The following FTO variants were observed in gnomAD, a reference collection of about 807,000 sequenced individuals.
FTO encodes FTO alpha-ketoglutarate dependent dioxygenase.
Under a neutral mutation model 63.9 loss-of-function variants are expected in FTO, and 47 were observed. The ratio of observed to expected loss-of-function variants is 0.74; its 90% CI spans 0.58 to 0.94. The LOEUF (loss-of-function observed/expected upper bound fraction) is 0.94. FTO is among the 40% of genes least tolerant of loss of function. FTO has a pLI of 0.00. For synonymous variants in FTO, 207 were observed against 224.4 expected, an observed-to-expected ratio of 0.92 and a Z score of 0.69; for missense variants, 562 against 618.1, an observed-to-expected ratio of 0.91 and a Z score of 0.96.
At chr16:53,875,249 T>C (rs1256971490) in intron 5 of FTO, among the ~76,000 whole-genome samples, 1 of 152,198 alleles carries the variant, frequency 6.6e-6, no homozygotes, top group African/African-American at 2.4e-5. Flanking sequence ...TGTGGATCAC[T>C]TGAGTATATG....
chr16:53,752,781 A>G (rs930565400), intron 1 of FTO, among the ~76,000 whole-genome samples: 3 of 152,194 alleles, frequency 2.0e-5, no homozygotes, highest in African/African-American at 7.2e-5. Flanking sequence ...GTGGCTTGCA[A>G]GGGTCAATAT....
intron 8 of FTO, among the ~76,000 whole-genome samples, chr16:54,104,168 A>C (rs1387302293): frequency 6.6e-6 from 1 of 152,204 alleles, no homozygotes; most frequent in African/African-American, 2.4e-5. Context: ...TTAGGGTCCC[A>C]TATTGGTCTC....
At chr16:53,957,701 T>C (rs564198305) in intron 8 of FTO, among the ~76,000 whole-genome samples, 1 of 152,388 alleles carries the variant, frequency 6.6e-6, no homozygotes, top group East Asian at 1.9e-4. Flanking sequence ...TCCCTAAATT[T>C]CCACTACTGG....
chr16:54,016,966 T>G (rs751220381), intron 8 of FTO, among the ~76,000 whole-genome samples: 16 of 152,184 alleles, frequency 1.1e-4, no homozygotes, highest in Non-Finnish European at 1.9e-4. Flanking sequence ...CAATCTTGAT[T>G]ATTTGTTCCA....
At chr16:53,837,235 A>G (rs559407586) in intron 3 of FTO, among the ~76,000 whole-genome samples, 3 of 152,310 alleles carry the variant, frequency 2.0e-5, no homozygotes, top group Non-Finnish European at 4.4e-5. Context: ...GTGAAACATG[A>G]TGTAATGAGG....
chr16:53,886,132 C>T (rs1345443806), intron 6 of FTO, among the ~76,000 whole-genome samples: 1 of 152,210 alleles, frequency 6.6e-6, no homozygotes, highest in African/African-American at 2.4e-5. Flanking sequence ...AGCCAGGGCT[C>T]TCTCTTTGCT....
At position 54,083,078 on chromosome 16, in the gene FTO, A is replaced by T. The variant is rs530987397; in HGVS notation, c.1365-28684A>T. Reference sequence around the variant, plus strand: ...AATAACTGGTGTTTCACCAACATCTAATTAAATCTTCTATCTAAATTGAAC... The same window carrying T: ...AATAACTGGTGTTTCACCAACATCTTATTAAATCTTCTATCTAAATTGAAC... On this transcript the variant is annotated intron_variant, in intron 8 of 8. Coordinates refer to ENST00000471389, the MANE Select transcript of FTO (RefSeq NM_001080432.3). Among the ~76,000 whole-genome samples, 10 of 152,326 alleles carry T rather than the reference A, an allele frequency of 6.6e-5. No homozygotes were observed. In the South Asian group the frequency reaches 1.2e-3, roughly 19 times the overall value.
chr16:53,784,849 G>C (rs1376176779), intron 1 of FTO, among the ~76,000 whole-genome samples: 1 of 152,090 alleles, frequency 6.6e-6, no homozygotes, highest in Non-Finnish European at 1.5e-5. Context: ...GTTTCAATGT[G>C]TCAACGAACT....
In FTO at chr16:53,789,067, A is replaced by G. The variant is rs538413555; in HGVS notation, c.46-21073A>G. Among the ~76,000 whole-genome samples, 16 of 152,336 alleles carry G rather than the reference A, an allele frequency of 1.1e-4. No homozygotes were observed. In the South Asian group the frequency reaches 2.7e-3, roughly 26 times the overall value. The stretch of plus-strand genomic sequence containing the variant: ...TATCTGTCTGTATATGCTCATCTAC[A>G]TATGTAAAACATGAAGATATTCTCT... On this transcript the variant is annotated intron_variant, in intron 1 of 8. Transcript: ENST00000471389.
At chr16:53,997,115 GA>G (rs1213042416) in intron 8 of FTO, among the ~76,000 whole-genome samples, 1 of 118,360 alleles carries the variant, frequency 8.4e-6, no homozygotes, top group Non-Finnish European at 1.8e-5. Context: ...TCTATCTAAA[GA>G]AAAAAAAGAA....
At chr16:53,758,101 A>G (rs184204324) in intron 1 of FTO, among the ~76,000 whole-genome samples, 3 of 152,182 alleles carry the variant, frequency 2.0e-5, no homozygotes, top group Admixed American at 1.3e-4. Flanking sequence ...CACCTGCCAG[A>G]TAGGTGTAAG....
At chr16:53,805,997 A>G (rs1264568235) in intron 1 of FTO, among the ~76,000 whole-genome samples, 1 of 152,188 alleles carries the variant, frequency 6.6e-6, no homozygotes, top group African/African-American at 2.4e-5. Flanking sequence ...ATTTATCTGT[A>G]CATCAGGCTG....
At chr16:53,775,307 C>G (rs189077960) in intron 1 of FTO, among the ~76,000 whole-genome samples, 70 of 152,260 alleles carry the variant, frequency 4.6e-4, no homozygotes, top group African/African-American at 1.4e-3. Context: ...ATGGCCCCAC[C>G]TTTCCTAGTC....
intron 1 of FTO, among the ~76,000 whole-genome samples, chr16:53,777,219 T>C (rs553962702): frequency 6.6e-6 from 1 of 152,310 alleles, no homozygotes; most frequent in South Asian, 2.1e-4. Context: ...TTCTCTGCTC[T>C]ATCCCACCAA....
chr16:54,020,858 G>C (rs1433018687), intron 8 of FTO, among the ~76,000 whole-genome samples: 2 of 152,148 alleles, frequency 1.3e-5, no homozygotes, highest in African/African-American at 4.8e-5. Context: ...TGTAATCCCA[G>C]CTACTTGGGA....
At chr16:53,890,356 A>G (rs1194119682) in intron 7 of FTO, among the ~76,000 whole-genome samples, 1 of 152,322 alleles carries the variant, frequency 6.6e-6, no homozygotes, top group Admixed American at 6.5e-5. Flanking sequence ...CCATCACAGC[A>G]GTCTATGCCA....
At chr16:53,988,004 AAATT>A (rs1166350878) in intron 8 of FTO, among the ~76,000 whole-genome samples, 2 of 152,196 alleles carry the variant, frequency 1.3e-5, no homozygotes, top group Non-Finnish European at 2.9e-5. Flanking sequence ...TGAACTTAGA[AAATT>A]AATTCTCCTG....
At chr16:54,104,990 G>C (rs10163246) in intron 8 of FTO, among the ~76,000 whole-genome samples, 98,564 of 152,118 alleles carry the variant, frequency 0.65, 32,126 homozygotes, top group African/African-American at 0.69. Context: ...TTATATGGTA[G>C]TTTACATATT....
chr16:54,001,245 G>A (rs1388574599), intron 8 of FTO, among the ~76,000 whole-genome samples: 2 of 152,180 alleles, frequency 1.3e-5, no homozygotes, highest in Non-Finnish European at 2.9e-5. Flanking sequence ...AAAGTGCAAG[G>A]AAGGAATTGC....
Sources: gnomAD v4.1 joint callset for allele counts (sites outside exome capture counted in the v4.1 genomes callset) on GRCh38, gnomAD v4.1.1 for gene constraint, MANE v1.5 for transcripts, NCBI Gene and HGNC (gene_info 2026-07-23, HGNC 2026-07-21) for gene names.